The following FRYL variants were observed in gnomAD, a reference collection of about 807,000 sequenced individuals.
FRYL encodes the protein FRY like transcription coactivator.
A neutral mutation model predicts 351.2 loss-of-function variants in FRYL; 150 were observed. That is an observed-to-expected ratio of 0.43 (90% CI 0.37 to 0.49). The LOEUF (loss-of-function observed/expected upper bound fraction) is 0.49. FRYL is among the 20% of genes least tolerant of loss of function. The pLI is 0.00. For missense variants in FRYL, 3,036 were observed against 3,619.3 expected (o/e 0.84, Z 4.13); for synonymous variants, 1,153 against 1,257.1 (o/e 0.92, Z 1.75).
Position 48,515,267 on chromosome 4 carries a change from A to G in FRYL, c.7698T>C (p.Thr2566=), listed in dbSNP as rs751439796. Residue 2566 remains threonine (T), a synonymous_variant, in exon 56 of 64, where the codon ACT becomes ACC. Transcript: ENST00000358350. ...TAACATGTTCCTCCTTTAATACTGAAGTTGTATCCTACAAAACAATCATAG... is the reference window on the plus strand; with the variant it reads ...TAACATGTTCCTCCTTTAATACTGAGGTTGTATCCTACAAAACAATCATAG... The part of the protein sequence containing the change: ...NANSRLPEDT[T]SVLKEEHVTT... The G allele has an allele frequency of 6.2e-7, 1 of 1,602,680 alleles. No homozygotes were observed.
intron 2 of FRYL, among the ~76,000 whole-genome samples, chr4:48,699,698 C>T (rs1401126882): frequency 6.6e-6 from 1 of 152,050 alleles, no homozygotes; most frequent in African/African-American, 2.4e-5. Flanking sequence ...CATGAAAATT[C>T]CCTCCACTCC....
intron 1 of FRYL, among the ~76,000 whole-genome samples, chr4:48,774,360 T>C (rs896680558): frequency 1.3e-5 from 2 of 152,172 alleles, no homozygotes; most frequent in African/African-American, 4.8e-5. Context: ...CAGGAACTAC[T>C]ACCCCTCTGT....
intron 1 of FRYL, among the ~76,000 whole-genome samples, chr4:48,771,793 TC>T (rs1303985059): frequency 6.6e-6 from 1 of 152,202 alleles, no homozygotes; most frequent in East Asian, 1.9e-4. Flanking sequence ...GTCATTTTTA[TC>T]CACCATTCAG....
chr4:48,605,905 T>C (rs1560701058), intron 10 of FRYL, 72 bp from the exon 11 acceptor site: 1 of 923,292 alleles, frequency 1.1e-6, no homozygotes, highest in Non-Finnish European at 1.7e-6. Flanking sequence ...TATCACATCA[T>C]TTTGTGAACA....
intron 4 of FRYL, among the ~76,000 whole-genome samples, chr4:48,629,459 T>C (rs923370924): frequency 2.0e-5 from 3 of 152,190 alleles, no homozygotes; most frequent in Non-Finnish European, 4.4e-5. Context: ...AGTCTGTTCA[T>C]TCAGTCAGTC....
intron 3 of FRYL, among the ~76,000 whole-genome samples, chr4:48,654,364 A>T (rs1426708309): frequency 1.3e-5 from 2 of 151,912 alleles, no homozygotes; most frequent in Non-Finnish European, 2.9e-5. Context: ...CTTCAACATC[A>T]GTTTCCTCTA....
At chr4:48,683,780 T>C (rs1764901467) in intron 3 of FRYL, among the ~76,000 whole-genome samples, 1 of 152,206 alleles carries the variant, frequency 6.6e-6, no homozygotes, top group Admixed American at 6.5e-5. Context: ...ATCCAATCAG[T>C]CTATTCCCCA....
chr4:48,671,858 C>CAAAACAAA (rs1762753377), intron 3 of FRYL, among the ~76,000 whole-genome samples: 4 of 22,400 alleles, frequency 1.8e-4, no homozygotes, highest in Non-Finnish European at 3.6e-4. Flanking sequence ...GTCTCAAAAA[C>CAAAACAAA]AAAAAAAAAA....
intron 4 of FRYL, among the ~76,000 whole-genome samples, chr4:48,630,001 G>C (rs1296050581): frequency 6.6e-6 from 1 of 152,158 alleles, no homozygotes; most frequent in African/African-American, 2.4e-5. Flanking sequence ...CCATACTGAA[G>C]ATAGGGAGGT....
chr4:48,548,329 A>T (rs1161726596), intron 40 of FRYL, among the ~76,000 whole-genome samples: 1 of 152,184 alleles, frequency 6.6e-6, no homozygotes, highest in Non-Finnish European at 1.5e-5. Flanking sequence ...TTTGGGAAAT[A>T]CTTAGAACCT....
chr4:48,503,777 A>G (rs867899570), intron 60 of FRYL, among the ~76,000 whole-genome samples: 13 of 152,196 alleles, frequency 8.5e-5, no homozygotes, highest in African/African-American at 3.1e-4. Flanking sequence ...GCTGCTTACC[A>G]TAAATTATGT....
chr4:48,538,081 T>C (rs1359509892), intron 47 of FRYL, among the ~76,000 whole-genome samples: 1 of 152,218 alleles, frequency 6.6e-6, no homozygotes, highest in East Asian at 1.9e-4. Context: ...TTAGACTTTA[T>C]TAATGCAAAT....
chr4:48,757,993 C>T (rs1230479879), intron 1 of FRYL, among the ~76,000 whole-genome samples: 1 of 152,120 alleles, frequency 6.6e-6, no homozygotes, highest in African/African-American at 2.4e-5. Context: ...AGAAAGGATT[C>T]CCTATTTAAT....
At position 48,535,756 on chromosome 4, in the gene FRYL, C is replaced by T. The variant is rs537961642; in HGVS notation, c.6465G>A (p.Thr2155=). The T allele has an allele frequency of 7.5e-6, 12 of 1,606,222 alleles. No homozygotes were observed. The highest frequency in any genetic ancestry group is 5.3e-5 in the African/African-American group (4 of 74,778). Residue 2155 remains threonine (T), a synonymous_variant, in exon 48 of 64, where the codon ACG becomes ACA. Coordinates refer to ENST00000358350, the MANE Select transcript of FRYL (RefSeq NM_015030.2). ...TCCAGTTAGAACAGTCTCTGGAATA[C>T]GTGTGTGTACTGTACAAACTCATCA... ...AHMMSLYSTH[T]YSRDCSNWIN...
intron 1 of FRYL, among the ~76,000 whole-genome samples, chr4:48,711,076 G>A (rs1482232294): frequency 6.6e-6 from 1 of 152,190 alleles, no homozygotes; most frequent in Non-Finnish European, 1.5e-5. Context: ...ATTATGCTGG[G>A]GGGAGGAGCC....
chr4:48,588,458 TA>T (rs1742590275), intron 18 of FRYL, among the ~76,000 whole-genome samples: 1 of 152,174 alleles, frequency 6.6e-6, no homozygotes, highest in Non-Finnish European at 1.5e-5. Flanking sequence ...TTCTTCCTGG[TA>T]ATCACCTCCA....
At chr4:48,700,226 T>C (rs1333549521) in intron 2 of FRYL, among the ~76,000 whole-genome samples, 1 of 152,180 alleles carries the variant, frequency 6.6e-6, no homozygotes, top group Non-Finnish European at 1.5e-5. Flanking sequence ...TTTTTTTTAA[T>C]ATATCAGGCT....
Position 48,567,376 on chromosome 4 carries a change from G to C in FRYL, c.3041C>G (p.Thr1014Ser). 1 of 1,608,670 alleles carries C rather than the reference G, an allele frequency of 6.2e-7. No homozygotes were observed. The highest frequency in any genetic ancestry group is 8.5e-7 in the Non-Finnish European group (1 of 1,178,264). ...LDNETHFLNNTLLEYVDLTRQ... is the reference protein window; with the variant it reads ...LDNETHFLNNSLLEYVDLTRQ... ...AGTTAAATCTACATATTCCAATAAAGTGTTGTTGAGAAAATGTGTTTCATT... is the reference window on the plus strand; with the variant it reads ...AGTTAAATCTACATATTCCAATAAACTGTTGTTGAGAAAATGTGTTTCATT... Residue 1014 changes from threonine (T) to serine (S), a missense_variant, in exon 28 of 64, where the codon ACT becomes AGT. Thr to Ser is a moderately conservative substitution (Grantham distance 58, BLOSUM62 1). Coordinates refer to ENST00000358350, the MANE Select transcript of FRYL (RefSeq NM_015030.2). The surrounding 1 kb of genome is among the most constrained non-coding windows in gnomAD (Gnocchi z 4.2).
chr4:48,702,557 C>T (rs1010958600), intron 2 of FRYL, among the ~76,000 whole-genome samples: 8 of 141,696 alleles, frequency 5.6e-5, no homozygotes, highest in Non-Finnish European at 9.0e-5. Flanking sequence ...AGGCGGATTA[C>T]GAGGTCAGGA....
Sources: allele counts gnomAD v4.1 joint callset (sites outside exome capture counted in the v4.1 genomes callset), GRCh38; gene constraint gnomAD v4.1.1; non-coding constraint Gnocchi (gnomAD v3.1); transcripts MANE v1.5; gene names NCBI Gene and HGNC (gene_info 2026-07-23, HGNC 2026-07-21).